NOX1: variants seen among roughly 807,000 people sequenced by gnomAD.
NOX1 encodes the protein NADH/NADPH mitogenic oxidase subunit P65-MOX.
In NOX1, 34 loss-of-function variants were observed where a neutral mutation model predicts 42.5. The ratio of observed to expected loss-of-function variants is 0.80; its 90% confidence interval spans 0.61 to 1.07. The LOEUF (loss-of-function observed/expected upper bound fraction) is 1.07, where lower values mean the gene tolerates loss of function less well. Ranked by LOEUF, NOX1 falls within the 50% of genes least tolerant of loss-of-function variation. NOX1 has a pLI of 0.00. For missense variants in NOX1, 408 were observed against 427.0 expected (o/e 0.96, Z 0.39); for synonymous variants, 143 against 152.5 (o/e 0.94, Z 0.46).
intron 7 of NOX1, chrX:100,856,319 A>C: frequency 4.1e-5 from 28 of 690,345 alleles, no homozygotes; most frequent in Non-Finnish European, 5.6e-5. Flanking sequence ...TTCAAAGCTC[A>C]AATCTCCAAT....
chrX:100,866,226 A>AG (rs1437895316), intron 2 of NOX1, among the ~76,000 whole-genome samples: 17 of 109,598 alleles, frequency 1.6e-4, no homozygotes, highest in Non-Finnish European at 2.5e-4. Flanking sequence ...CATCTCAAAA[A>AG]AAAAAAAAAG....
At chrX:100,853,332 C>CTTTCTTTCTTTTTCTTTCTTTCTT (rs1556128756) in intron 7 of NOX1, among the ~76,000 whole-genome samples, 1 of 19,345 alleles carries the variant, frequency 5.2e-5, no homozygotes, top group Non-Finnish European at 8.3e-5. Flanking sequence ...CTCTCTCTTT[C>CTTTCTTTCTTTTTCTTTCTTTCTT]TCTTTCTTTC....
rs1401059871 is a variant in NOX1, at chrX:100,855,863, G to A, written c.805-4538C>T. The A allele has an allele frequency of 9.5e-6, 11 of 1,163,797 alleles. 1 individual carries two copies. The highest frequency in any genetic ancestry group is 1.2e-5 in the Non-Finnish European group (10 of 864,378). ...TTGACAGGGCTTTCCTAACTTCACA[G>A]TTGTGGCCATTCACAGTATGGTATT... On this transcript the variant is annotated intron_variant, in intron 7 of 12. Transcript: ENST00000372966.
At chrX:100,855,738 C>G (rs1343758359) in intron 7 of NOX1, 15 of 1,019,535 alleles carry the variant, frequency 1.5e-5, no homozygotes, top group Non-Finnish European at 1.9e-5. Flanking sequence ...ACCATGACCA[C>G]TGAAGTTTCC....
chrX:100,867,302 G>C (rs1602393389), intron 2 of NOX1, among the ~76,000 whole-genome samples: 1 of 112,167 alleles, frequency 8.9e-6, no homozygotes, highest in African/African-American at 3.2e-5. Flanking sequence ...TTACAGGCGT[G>C]AGCCACAGCG....
At chrX:100,868,924 T>C (rs1391389134) in intron 2 of NOX1, among the ~76,000 whole-genome samples, 1 of 110,781 alleles carries the variant, frequency 9.0e-6, no homozygotes, top group Non-Finnish European at 1.9e-5. Context: ...GGGAATCCTT[T>C]CCCCATTGCT....
At chrX:100,866,160 TGCAGTGAGCAGAGATTGC>T (rs2085235290) in intron 2 of NOX1, among the ~76,000 whole-genome samples, 1 of 107,035 alleles carries the variant, frequency 9.3e-6, no homozygotes, top group Admixed American at 1.0e-4. Context: ...AGGTGGAGGT[TGCAGTGAGCAGAGATTGC>T]GCCACTGCAC....
In NOX1 at chrX:100,862,445, A is replaced by G. The variant is rs1268965685; in HGVS notation, c.618T>C (p.Tyr206=). Residue 206 remains tyrosine, a synonymous_variant, in exon 6 of 13, where the codon TAT becomes TAC. Transcript: ENST00000372966. ...IRRSYFEVFW[Y]THHLFIFYIL... is the part of the protein sequence containing the mutation. ...TATAGAAGATAAAAAGGTGGTGAGT[A>G]TACCAGAAGACTTCAAAATAACTCC... is the stretch of plus-strand genomic sequence containing the variant. 8.3e-7 allele frequency: 1 copy of G among 1,210,892 alleles called. No homozygotes were observed. Among genetic ancestry groups the G allele is most frequent in the African/African-American group, 1.7e-5 (1 of 57,799 alleles).
intron 2 of NOX1, 147 bp from the exon 3 acceptor site, chrX:100,863,742 C>G: frequency 1.1e-6 from 1 of 937,097 alleles, no homozygotes; most frequent in South Asian, 3.2e-5. Flanking sequence ...CACCATCAGG[C>G]CAGGCTCTGT....
rs762246486 is a variant in NOX1, at chrX:100,870,842, G to C, written c.46-28C>G. On this transcript the variant is annotated intron_variant, in intron 1 of 12. Transcript: ENST00000372966. ...AGAGAAAGAAAAAAAAACATGCAAA[G>C]AATAAAGTGAAATTTGAGTATGGGA... The C allele has an allele frequency of 4.2e-6, 4 of 949,876 alleles. No individual in the cohort carries two copies. The South Asian group carries it at 8.4e-5, about 20-fold the overall frequency. 78.3% of individuals were successfully genotyped at this position (949,876 alleles called of 1,213,427 possible).
chrX:100,863,047 C>T lies in NOX1; in HGVS notation c.337+112G>A, dbSNP rs777698811. Reference sequence around the variant, plus strand: ...AAAACAGGCCAAGAACAGTGCCTGACAAATAGTGCCCAGTGCTCGATAAAT... The same window carrying T: ...AAAACAGGCCAAGAACAGTGCCTGATAAATAGTGCCCAGTGCTCGATAAAT... On this transcript the variant is annotated intron_variant, in intron 4 of 12. Coordinates refer to ENST00000372966, the MANE Select transcript of NOX1 (RefSeq NM_007052.5). The T allele has an allele frequency of 2.0e-5, 13 of 650,803 alleles. No individual in the cohort carries two copies. In the African/African-American group the frequency reaches 2.2e-4, roughly 11 times the overall value. 53.6% of individuals were successfully genotyped at this position (650,803 alleles called of 1,213,427 possible).
chrX:100,872,101 C>A (rs1458520028), intron 1 of NOX1, among the ~76,000 whole-genome samples: 1 of 111,859 alleles, frequency 8.9e-6, no homozygotes, highest in East Asian at 2.8e-4. Flanking sequence ...TAAGTGCTAG[C>A]TACAGAGTTG....
At chrX:100,864,625 G>A (rs184742069) in intron 2 of NOX1, among the ~76,000 whole-genome samples, 2 of 112,079 alleles carry the variant, frequency 1.8e-5, no homozygotes, top group East Asian at 5.6e-4. Flanking sequence ...AGCAGTAGAA[G>A]CTGCTAGCAA....
At chrX:100,844,573 C>A (rs775060639) in intron 12 of NOX1, among the ~76,000 whole-genome samples, 1 of 111,695 alleles carries the variant, frequency 9.0e-6, no homozygotes, top group South Asian at 3.9e-4. Context: ...GCTGGGACTA[C>A]AGGCACGCAC....
chrX:100,844,302 G>C (rs36081692), intron 12 of NOX1, among the ~76,000 whole-genome samples: 3 of 112,443 alleles, frequency 2.7e-5, no homozygotes, highest in African/African-American at 9.7e-5. Flanking sequence ...TGAGAACACA[G>C]ATGACAGACA....
At chrX:100,847,134 A>C (rs964310736) in intron 12 of NOX1, among the ~76,000 whole-genome samples, 8 of 111,556 alleles carry the variant, frequency 7.2e-5, no homozygotes, top group African/African-American at 2.0e-4. Context: ...GGTTGCAGTG[A>C]GCCGAGATGG....
chrX:100,859,358 A>G (rs750714937), intron 7 of NOX1, among the ~76,000 whole-genome samples: 22 of 111,987 alleles, frequency 2.0e-4, no homozygotes, highest in Non-Finnish European at 3.8e-4. Context: ...GGATTTTTTC[A>G]TCAATGAATG....
At chrX:100,852,278 G>A (rs1450382388) in intron 7 of NOX1, among the ~76,000 whole-genome samples, 3 of 111,390 alleles carry the variant, frequency 2.7e-5, no homozygotes, top group Non-Finnish European at 3.8e-5. Flanking sequence ...AGACCAGCCT[G>A]GCCAACATGG....
In NOX1 at chrX:100,848,692, TTTCTGTTTCAGACC is replaced by T. The variant is rs756187103; in HGVS notation, c.1492_1505del (p.Gly498AsnfsTer11). On this transcript the variant is annotated frameshift_variant, in exon 12 of 13. Coordinates refer to ENST00000372966, the MANE Select transcript of NOX1 (RefSeq NM_007052.5). LOFTEE classifies it high-confidence loss of function. The stretch of plus-strand genomic sequence containing the variant: ...CCCACATTGGTCTCCCAAAGGAGGT[TTTCTGTTTCAGACC>T]TGTCACGATGTCAGTGGCCTTGTCA... The T allele has an allele frequency of 8.3e-7, 1 of 1,209,371 alleles. No homozygotes were observed. Among genetic ancestry groups the T allele is most frequent in the Non-Finnish European group, 1.1e-6 (1 of 894,183 alleles).
Sources: allele counts gnomAD v4.1 joint callset (sites outside exome capture counted in the v4.1 genomes callset), GRCh38; gene constraint gnomAD v4.1.1; transcripts MANE v1.5; gene names NCBI Gene and HGNC (gene_info 2026-07-23, HGNC 2026-07-21).